Variants in BID observed in about 807,000 individuals in gnomAD.
BID encodes the protein BH3 interacting domain death agonist.
Under a neutral mutation model 17.4 loss-of-function variants are expected in BID, and 19 were observed. The ratio of observed to expected loss-of-function variants is 1.09; its 90% CI spans 0.76 to 1.60. The LOEUF (loss-of-function observed/expected upper bound fraction) is 1.60, where lower values mean the gene tolerates loss of function less well. Ranked by LOEUF, BID falls within the 40% of genes most tolerant of loss-of-function variation. BID has a pLI of 0.00. For missense variants in BID, 226 were observed against 256.0 expected (o/e 0.88, Z 0.80); for synonymous variants, 108 against 102.8 (o/e 1.05, Z -0.31).
At chr22:17,752,362 C>T (rs1419586435) in intron 1 of BID, among the ~76,000 whole-genome samples, 1 of 152,206 alleles carries the variant, frequency 6.6e-6, no homozygotes, top group East Asian at 1.9e-4. Flanking sequence ...ACAACTCATC[C>T]AGCTCAAAGT....
intron 1 of BID, among the ~76,000 whole-genome samples, chr22:17,768,997 G>A (rs1297753295): frequency 3.3e-5 from 5 of 152,004 alleles, no homozygotes; most frequent in African/African-American, 9.7e-5. Flanking sequence ...AGCAGAGATC[G>A]TGCCACTGCA....
At chr22:17,738,400 C>T (rs1601834295) in intron 4 of BID, among the ~76,000 whole-genome samples, 171 bp from the exon 5 acceptor site, 1 of 152,166 alleles carries the variant, frequency 6.6e-6, no homozygotes, top group African/African-American at 2.4e-5. Context: ...GGGAAGACTG[C>T]AATCACTCCC....
At chr22:17,759,279 C>T (rs2061618981) in intron 1 of BID, among the ~76,000 whole-genome samples, 1 of 133,912 alleles carries the variant, frequency 7.5e-6, no homozygotes, top group Admixed American at 7.5e-5. Flanking sequence ...CAGGTGTGGG[C>T]TGGGTGCGGT....
At chr22:17,774,345 C>A in intron 1 of BID, 36 bp downstream of exon 1, 1 of 161,250 alleles carries the variant, frequency 6.2e-6, no homozygotes, top group South Asian at 1.3e-4. Context: ...GGCTGGGGCT[C>A]GGCGCGTACC....
At position 17,773,160 on chromosome 22, in the gene BID, G is replaced by A. The variant is rs558930074; in HGVS notation, c.-59+1221C>T. Reference sequence around the variant, plus strand: ...TGGGCAAGAGGGGCAGAAGGGGCAGGGACGCACACCCTGGGCCGCAGGCAG... The same window carrying A: ...TGGGCAAGAGGGGCAGAAGGGGCAGAGACGCACACCCTGGGCCGCAGGCAG... On this transcript the variant is annotated intron_variant, in intron 1 of 5. Coordinates refer to ENST00000622694, the MANE Select transcript of BID (RefSeq NM_001196.4). This position sits in a 1 kb window ranked among gnomAD's most constrained non-coding sequence, Gnocchi z 4.4. Among the ~76,000 whole-genome samples the A allele has an allele frequency of 6.6e-6, 1 of 152,110 alleles. No homozygotes were observed. The highest frequency in any genetic ancestry group is 2.4e-5 in the African/African-American group (1 of 41,420).
chr22:17,755,778 C>G (rs905460543), intron 1 of BID, among the ~76,000 whole-genome samples: 15 of 134,230 alleles, frequency 1.1e-4, no homozygotes, highest in South Asian at 4.8e-4. Context: ...ACAGCCTGGG[C>G]GACAAGAGCA....
In BID at chr22:17,763,205, G is replaced by T. The variant is rs182525935; in HGVS notation, c.-59+11176C>A. ...TGTATTTTTTCTTTGAAAAATAAAA[G>T]CATTTACATAGCTGTTTGTCTCCAT... On this transcript the variant is annotated intron_variant, in intron 1 of 5. Coordinates refer to ENST00000622694, the MANE Select transcript of BID (RefSeq NM_001196.4). Among the ~76,000 whole-genome samples, 54 of 151,416 alleles carry T rather than the reference G, an allele frequency of 3.6e-4. 1 individual carries two copies. In the East Asian group the frequency reaches 4.3e-3, roughly 12 times the overall value.
Position 17,773,584 on chromosome 22 carries a change from G to C in BID, c.-59+797C>G. 6.2e-7 allele frequency: 1 copy of C among 1,611,712 alleles called. No homozygotes were observed. The highest frequency in any genetic ancestry group is 8.5e-7 in the Non-Finnish European group (1 of 1,179,622). On this transcript the variant is annotated intron_variant, in intron 1 of 5. Coordinates refer to ENST00000622694, the MANE Select transcript of BID (RefSeq NM_001196.4). The surrounding 1 kb of genome is among the most constrained non-coding windows in gnomAD (Gnocchi z 4.4). ...GCAGGTGAAGGCCGGTCCAGCCGCA[G>C]AAGGCCCAGCCCCCAGCCCACTTAC... is the stretch of plus-strand genomic sequence containing the variant.
rs369172166 is a variant in BID at position 17,752,886 on chromosome 22, G to C, written c.-58-2712C>G. ...TTCACCGTGTTAGCCAGGATGGTCT[G>C]GATCTCCTGACCTCGTGATCCGCCC... On this transcript the variant is annotated intron_variant, in intron 1 of 5. Transcript: ENST00000622694. 5.7e-5 allele frequency among the ~76,000 whole-genome samples: 8 copies of C among 141,370 alleles called. No homozygotes were observed. In the East Asian group the frequency reaches 1.1e-3, roughly 19 times the overall value. 92.7% of individuals were successfully genotyped at this position (141,370 alleles called of 152,430 possible). A position where few individuals can be genotyped will look rare whatever the true frequency, so the allele number is the denominator to read the frequency against.
At chr22:17,758,830 G>A (rs566576763) in intron 1 of BID, among the ~76,000 whole-genome samples, 18 of 152,146 alleles carry the variant, frequency 1.2e-4, no homozygotes, top group Non-Finnish European at 2.2e-4. Flanking sequence ...ATGGTTGCAC[G>A]ACAATGAGAC....
chr22:17,756,432 C>CTTCTTTCT (rs1555906073), intron 1 of BID, among the ~76,000 whole-genome samples: 1,318 of 69,100 alleles, frequency 0.019, 13 homozygotes, highest in South Asian at 0.035. Flanking sequence ...TTCTTTCTTT[C>CTTCTTTCT]TTCTTTCTTT....
At chr22:17,774,007 G>C (rs1295959201) in intron 1 of BID, 1 of 466,092 alleles carries the variant, frequency 2.1e-6, no homozygotes, top group African/African-American at 2.0e-5. Context: ...CCAGGCCCGC[G>C]GGTTTTCTCC....
intron 1 of BID, among the ~76,000 whole-genome samples, chr22:17,768,872 CAA>C (rs56172842): frequency 1.1e-3 from 80 of 73,732 alleles, no homozygotes; most frequent in East Asian, 3.3e-3. Flanking sequence ...GACTCCGTCT[CAA>C]AAAAAAAAAA....
chr22:17,772,384 C>T (rs1030124643), intron 1 of BID, among the ~76,000 whole-genome samples: 1 of 152,232 alleles, frequency 6.6e-6, no homozygotes. Context: ...CAGGCCTGTG[C>T]TGCCCTCCAC....
At chr22:17,745,300 C>T (rs2061488150) in intron 2 of BID, among the ~76,000 whole-genome samples, 1 of 152,098 alleles carries the variant, frequency 6.6e-6, no homozygotes, top group Non-Finnish European at 1.5e-5. Context: ...CCGCCCGCCC[C>T]CCAACTCCCC....
rs557777819 is a variant in BID, at chr22:17,744,041, G to A, written c.13-28C>T. 123 of 1,593,968 alleles carry A rather than the reference G, an allele frequency of 7.7e-5. 1 individual carries two copies. The South Asian group carries it at 9.4e-4, about 12-fold the overall frequency. ...GAGGGGAAAGGGGAGTCAGGAAGCC[G>A]GGACTTCAGCCAGGCCAGAGGCCCC... On this transcript the variant is annotated intron_variant, in intron 2 of 5. Transcript: ENST00000622694.
chr22:17,753,638 C>A (rs1378338049), intron 1 of BID, among the ~76,000 whole-genome samples: 1 of 152,238 alleles, frequency 6.6e-6, no homozygotes, highest in African/African-American at 2.4e-5. Flanking sequence ...ACCACAGAGG[C>A]TCCCCCGTCA....
At position 17,773,611 on chromosome 22, in the gene BID, G is replaced by GA; in HGVS notation, c.-59+769dup. On this transcript the variant is annotated intron_variant, in intron 1 of 5. Coordinates refer to ENST00000622694, the MANE Select transcript of BID (RefSeq NM_001196.4). The surrounding 1 kb of genome is among the most constrained non-coding windows in gnomAD (Gnocchi z 4.4). ...AGGCCCAGCCCCCAGCCCACTTACA[G>GA]AATCCGCACTGTGCTCCTCCAGCCG... 6.2e-7 allele frequency: 1 copy of GA among 1,612,646 alleles called. No individual in the cohort carries two copies.
At chr22:17,742,533 G>A (rs577139585) in intron 3 of BID, among the ~76,000 whole-genome samples, 61 of 114,064 alleles carry the variant, frequency 5.3e-4, no homozygotes, top group African/African-American at 2.0e-3. Flanking sequence ...ACGTCCTCAA[G>A]CACCTGATCT....
Sources: allele counts gnomAD v4.1 joint callset (sites outside exome capture counted in the v4.1 genomes callset), GRCh38; gene constraint gnomAD v4.1.1; non-coding constraint Gnocchi (gnomAD v3.1); transcripts MANE v1.5; gene names NCBI Gene and HGNC (gene_info 2026-07-23, HGNC 2026-07-21).